The following CKMT1A variants were observed in gnomAD, a reference collection of about 807,000 sequenced individuals.
CKMT1A encodes the protein creatine kinase, mitochondrial 1A.
In CKMT1A, 23 loss-of-function variants were observed where a neutral mutation model predicts 21.8. The ratio of observed to expected loss-of-function variants is 1.05; its 90% CI spans 0.76 to 1.49. The LOEUF is 1.49. Among genes scored for constraint, CKMT1A ranks in the 40% most tolerant of loss-of-function variants. CKMT1A has a pLI of 0.00. For synonymous variants in CKMT1A, 67 were observed against 80.4 expected, an observed-to-expected ratio of 0.83 and a Z score of 0.89; for missense variants, 154 against 229.4, an observed-to-expected ratio of 0.67 and a Z score of 2.12.
At chr15:43,698,937 T>C (rs765112122) in intron 8 of CKMT1A, 36 bp from the exon 9 acceptor site, 2 of 1,612,614 alleles carry the variant, frequency 1.2e-6, no homozygotes, top group South Asian at 1.1e-5. Flanking sequence ...AAACTCAGAC[T>C]GTAGGAAGCA....
intron 6 of CKMT1A, 35 bp downstream of exon 6, chr15:43,696,398 G>A: frequency 6.2e-7 from 1 of 1,610,554 alleles, no homozygotes; most frequent in Non-Finnish European, 8.5e-7. Context: ...CTAGGTGGGA[G>A]GACATAAGGA....
At chr15:43,697,591 C>G (rs2086467806) in intron 6 of CKMT1A, 1 of 984,032 alleles carries the variant, frequency 1.0e-6, no homozygotes, top group African/African-American at 1.8e-5. Context: ...CTCACCTCTT[C>G]CTGGCAAAGC....
At position 43,699,124 on chromosome 15, in the gene CKMT1A, G is replaced by A; in HGVS notation, c.*35G>A. ...GCCAGCTGATGACTCAAGATTCCAA[G>A]GAGTTCTGCTCATTCTAATGATGGC... On this transcript the variant is annotated 3_prime_UTR_variant, in exon 9 of 9. Transcript: ENST00000413453. The A allele has an allele frequency of 1.2e-6, 2 of 1,613,366 alleles. No individual in the cohort carries two copies. The highest frequency in any genetic ancestry group is 1.7e-5 in the Admixed American group (1 of 59,976).
chr15:43,698,575 G>A, intron 7 of CKMT1A, 66 bp from the exon 8 acceptor site: 4 of 1,542,294 alleles, frequency 2.6e-6, no homozygotes, highest in Non-Finnish European at 3.5e-6. Flanking sequence ...CAGGTTCAGG[G>A]CTCTTTCAGG....
chr15:43,696,608 TA>T, intron 6 of CKMT1A: 13 of 621,846 alleles, frequency 2.1e-5, no homozygotes, highest in Non-Finnish European at 2.2e-5. Flanking sequence ...AGAAGGCAGG[TA>T]ATGCAAAGAA....
At position 43,699,077 on chromosome 15, in the gene CKMT1A, C is replaced by T. The variant is rs908453598; in HGVS notation, c.1242C>T (p.His414=). The T allele has an allele frequency of 1.2e-6, 2 of 1,613,436 alleles. No homozygotes were observed. The highest frequency in any genetic ancestry group is 1.7e-6 in the Non-Finnish European group (2 of 1,179,896). ...QDIRIPTPVI[H]TKH ...TCCGCATCCCCACACCTGTCATCCA[C>T]ACCAAGCATTAACTCCCCATCGCCA... The change falls in exon 9 of 9, where the codon CAC becomes CAT. Residue 414 remains histidine (H), a synonymous_variant. Transcript: ENST00000413453.
intron 7 of CKMT1A, among the ~76,000 whole-genome samples, 170 bp downstream of exon 7, chr15:43,698,318 CA>C (rs1291233186): frequency 1.3e-5 from 2 of 151,814 alleles, no homozygotes. Flanking sequence ...GAGGCCAAGG[CA>C]GGCAGATCAT....
In CKMT1A at chr15:43,698,687, G is replaced by A. The variant is rs377040828; in HGVS notation, c.1058G>A (p.Arg353His). ...KILENLRLQKRGTGGVDTAAT... is the reference protein window; with the variant it reads ...KILENLRLQKHGTGGVDTAAT... ...CTGGAGAACCTAAGACTCCAAAAGC[G>A]TGGTACTGGAGGAGTGGACACTGCT... The change falls in exon 8 of 9, where the codon CGT (arginine) becomes CAT (histidine). Residue 353 changes from arginine (R) to histidine (H), a missense_variant. Transcript: ENST00000413453. The A allele has an allele frequency of 2.0e-5, 33 of 1,613,438 alleles. 1 individual carries two copies. Among genetic ancestry groups the A allele is most frequent in the South Asian group, 3.3e-5 (3 of 91,036 alleles).
chr15:43,697,905 G>A, intron 6 of CKMT1A, 109 bp from the exon 7 acceptor site: 1 of 1,511,112 alleles, frequency 6.6e-7, no homozygotes, highest in Non-Finnish European at 8.9e-7. Context: ...TCACAGCCAA[G>A]TTTCTATTCT....
At chr15:43,698,357 G>C (rs1406760188) in intron 7 of CKMT1A, among the ~76,000 whole-genome samples, 1 of 151,680 alleles carries the variant, frequency 6.6e-6, no homozygotes, top group African/African-American at 2.4e-5. Flanking sequence ...AGACCAGCCT[G>C]GGCAACCTGG....
At chr15:43,696,946 C>T (rs1442540354) in intron 6 of CKMT1A, 9 of 296,722 alleles carry the variant, frequency 3.0e-5, no homozygotes, top group Middle Eastern at 2.5e-3. Context: ...ATTGGGTCTC[C>T]GTATTCAAGT....
intron 6 of CKMT1A, 154 bp downstream of exon 6, chr15:43,696,517 C>T: frequency 8.4e-7 from 1 of 1,183,480 alleles, no homozygotes; most frequent in Non-Finnish European, 1.2e-6. Context: ...AGGTATAAAC[C>T]AGCTGGGACC....
At chr15:43,697,673 T>G in intron 6 of CKMT1A, 1 of 985,056 alleles carries the variant, frequency 1.0e-6, no homozygotes, top group Non-Finnish European at 1.2e-6. Flanking sequence ...AGATAATCGA[T>G]GCATGCAGAC....
rs915824978 is a variant in CKMT1A, at chr15:43,698,780, G to A, written c.1137+14G>A. On this transcript the variant is annotated intron_variant, in intron 8 of 8. Coordinates refer to ENST00000413453, the MANE Select transcript of CKMT1A (RefSeq NM_001321926.2). ...GGCAAATCAGAGGTGAGATCCTAAG[G>A]GATTAGGATGAGGAGAGGTATAGGT... 8 of 1,613,460 alleles carry A rather than the reference G, an allele frequency of 5.0e-6. No homozygotes were observed. The African/African-American group carries it at 1.1e-4, about 22-fold the overall frequency.
In CKMT1A at chr15:43,698,269, C is replaced by G. The variant is rs953533549; in HGVS notation, c.1011+121C>G. 4.8e-6 allele frequency: 7 copies of G among 1,448,698 alleles called. No individual in the cohort carries two copies. In the African/African-American group the frequency reaches 9.8e-5, roughly 20 times the overall value. 89.7% of individuals were successfully genotyped at this position (1,448,698 alleles called of 1,614,324 possible). ...TGTGGCTAAAGGGTCAGAGGACAGGCCAGGCACAGTGGCTCATGCCTCTAA... is the reference window on the plus strand; with the variant it reads ...TGTGGCTAAAGGGTCAGAGGACAGGGCAGGCACAGTGGCTCATGCCTCTAA... On this transcript the variant is annotated intron_variant, in intron 7 of 8. Coordinates refer to ENST00000413453, the MANE Select transcript of CKMT1A (RefSeq NM_001321926.2).
rs1567144044 is a variant in CKMT1A, at chr15:43,698,138, T to C, written c.1001T>C (p.Leu334Pro). The part of the protein sequence containing the change: ...LRAGVHIKLP[L>P]LSKDSRFPKI... Reference sequence around the variant, plus strand: ...GCAGGAGTGCACATCAAACTGCCCCTGCTAAGCAAAGTAAAGGAGTTGTGG... The same window carrying C: ...GCAGGAGTGCACATCAAACTGCCCCCGCTAAGCAAAGTAAAGGAGTTGTGG... The change falls in exon 7 of 9, where the codon CTG becomes CCG. Residue 334 changes from leucine (L) to proline (P), a missense_variant. By Grantham distance (98) the Leu-to-Pro change is moderately conservative (BLOSUM62 -3). Transcript: ENST00000413453. 1 of 1,611,216 alleles carries C rather than the reference T, an allele frequency of 6.2e-7. No individual in the cohort carries two copies. Among genetic ancestry groups the C allele is most frequent in the Admixed American group, 1.7e-5 (1 of 59,670 alleles).
At chr15:43,697,789 A>T (rs1365106069) in intron 6 of CKMT1A, 1 of 984,448 alleles carries the variant, frequency 1.0e-6, no homozygotes, top group East Asian at 1.1e-4. Flanking sequence ...TCCACATAAG[A>T]TATTTTTTCA....
In CKMT1A at chr15:43,698,106, A is replaced by G. The variant is rs764239149; in HGVS notation, c.969A>G (p.Gly323=). ...ILTCPSNLGT[G]LRAGVHIKLP... ...CCTGTCCATCTAACCTGGGCACTGG[A>G]CTTCGGGCAGGAGTGCACATCAAAC... is the stretch of plus-strand genomic sequence containing the variant. Residue 323 remains glycine (G), a synonymous_variant, in exon 7 of 9, where the codon GGA becomes GGG. Coordinates refer to ENST00000413453, the MANE Select transcript of CKMT1A (RefSeq NM_001321926.2). The G allele has an allele frequency of 1.9e-6, 3 of 1,613,006 alleles. No homozygotes were observed. The highest frequency in any genetic ancestry group is 1.7e-6 in the Non-Finnish European group (2 of 1,179,222).
intron 6 of CKMT1A, 41 bp downstream of exon 6, chr15:43,696,404 A>G: frequency 6.2e-7 from 1 of 1,610,172 alleles, no homozygotes; most frequent in Admixed American, 1.7e-5. Flanking sequence ...GGGAGGACAT[A>G]AGGAAAACCA....
Sources: gnomAD v4.1 joint callset for allele counts (sites outside exome capture counted in the v4.1 genomes callset) on GRCh38, gnomAD v4.1.1 for gene constraint, MANE v1.5 for transcripts, NCBI Gene and HGNC (gene_info 2026-07-23, HGNC 2026-07-21) for gene names.